EZH1: variants seen among roughly 807,000 people sequenced by gnomAD.
EZH1 encodes the protein enhancer of zeste 1 polycomb repressive complex 2 subunit.
In EZH1, 33 loss-of-function variants were observed where a neutral mutation model predicts 100.5. That is an observed-to-expected ratio of 0.33 (90% CI 0.25 to 0.44). The LOEUF is 0.44. Among genes scored for constraint, EZH1 ranks in the 20% least tolerant of loss-of-function variants. EZH1 has a pLI of 1.00. For synonymous variants in EZH1, 272 were observed against 313.8 expected, an observed-to-expected ratio of 0.87 and a Z score of 1.41; for missense variants, 475 against 928.4, an observed-to-expected ratio of 0.51 and a Z score of 6.35.
chr17:42,703,457 C>T (rs1465202428), intron 19 of EZH1: 5 of 395,310 alleles, frequency 1.3e-5, no homozygotes, highest in Non-Finnish European at 2.3e-5. Context: ...GGATTACAGG[C>T]GTAAGCCACC....
intron 1 of EZH1, among the ~76,000 whole-genome samples, chr17:42,742,222 A>C (rs2054189777): frequency 6.6e-6 from 1 of 150,512 alleles, no homozygotes; most frequent in Admixed American, 6.7e-5. Flanking sequence ...AGCTCACTGC[A>C]ACTTCCCACT....
chr17:42,715,052 A>G (rs1478672774), intron 10 of EZH1, among the ~76,000 whole-genome samples: 1 of 139,740 alleles, frequency 7.2e-6, no homozygotes, highest in Admixed American at 7.6e-5. Flanking sequence ...TATATTATAT[A>G]TGTATTTATA....
Position 42,728,969 on chromosome 17 carries a change from T to G in EZH1, c.-11-17A>C. 1.3e-6 allele frequency: 2 copies of G among 1,582,578 alleles called. No homozygotes were observed. Among genetic ancestry groups the G allele is most frequent in the Admixed American group, 1.9e-5 (1 of 53,792 alleles). On this transcript the variant is annotated splice_polypyrimidine_tract_variant and intron_variant, in intron 2 of 20. Coordinates refer to ENST00000428826, the MANE Select transcript of EZH1 (RefSeq NM_001991.5). ...TGCTGTAATCTAAGAGAGACAGAGATGAGAAATAGCATTTTATTGCCTGGA... is the reference window on the plus strand; with the variant it reads ...TGCTGTAATCTAAGAGAGACAGAGAGGAGAAATAGCATTTTATTGCCTGGA...
In EZH1 at chr17:42,727,543, T is replaced by C; in HGVS notation, c.246+92A>G. ...CTTGTGTGAGCCACCATACCTTGTC[T>C]TACTTATTCACTTTCTAAAAAGTCA... On this transcript the variant is annotated intron_variant, in intron 4 of 20. Coordinates refer to ENST00000428826, the MANE Select transcript of EZH1 (RefSeq NM_001991.5). The C allele has an allele frequency of 4.1e-6, 6 of 1,457,676 alleles. 1 individual carries two copies. The South Asian group carries it at 6.2e-5, about 15-fold the overall frequency. The allele number at this position is 1,457,676 out of a possible 1,614,324, so 90.3% of individuals were successfully genotyped here. A position where few individuals can be genotyped will look rare whatever the true frequency, so the allele number is the denominator to read the frequency against.
intron 16 of EZH1, 195 bp downstream of exon 16, chr17:42,705,812 C>T (rs910346200): frequency 7.4e-6 from 4 of 543,610 alleles, no homozygotes; most frequent in African/African-American, 5.8e-5. Flanking sequence ...GCCACCACAC[C>T]TGGCCAGGAA....
rs868857551 is a variant in EZH1 at position 42,718,705 on chromosome 17, C to T, written c.768-88G>A. The T allele has an allele frequency of 3.4e-5, 49 of 1,432,514 alleles. No homozygotes were observed. The highest frequency in any genetic ancestry group is 1.3e-4 in the African/African-American group (9 of 71,096). 88.7% of individuals were successfully genotyped at this position (1,432,514 alleles called of 1,614,324 possible). ...TTGGGTACTGACAGTAGCTCACCTA[C>T]GGTCTGCCAAGGGAGGATGGGTGTT... On this transcript the variant is annotated intron_variant, in intron 8 of 20. Transcript: ENST00000428826. This position sits in a 1 kb window ranked among gnomAD's most constrained non-coding sequence, Gnocchi z 4.2.
At chr17:42,708,119 C>T (rs772377342) in intron 14 of EZH1, 36 bp from the exon 15 acceptor site, 1 of 1,559,906 alleles carries the variant, frequency 6.4e-7, no homozygotes, top group Non-Finnish European at 8.7e-7. Context: ...CTGCTGTGAC[C>T]ATACTCTCCA....
intron 16 of EZH1, chr17:42,705,433 A>G (rs2053333159): frequency 3.0e-6 from 1 of 332,848 alleles, no homozygotes; most frequent in Non-Finnish European, 5.7e-6. Context: ...GTCTATAGGA[A>G]TTCACTGCAA....
At chr17:42,727,499 T>C in intron 4 of EZH1, 136 bp downstream of exon 4, 2 of 1,067,562 alleles carry the variant, frequency 1.9e-6, no homozygotes, top group Non-Finnish European at 2.6e-6. Context: ...CACCTCAGCC[T>C]CCCAAATAGC....
At chr17:42,703,531 T>C (rs1258865716) in intron 19 of EZH1, 2 of 561,956 alleles carry the variant, frequency 3.6e-6, no homozygotes, top group South Asian at 4.2e-5. Flanking sequence ...GGTTAAATCA[T>C]GTTTGTGGGA....
rs575787167 is a variant in EZH1, at chr17:42,742,143, T to C, written c.-103+2868A>G. On this transcript the variant is annotated intron_variant, in intron 1 of 20. Coordinates refer to ENST00000428826, the MANE Select transcript of EZH1 (RefSeq NM_001991.5). ...CTCCTTATTCCAGTGCTGTCTCTCTTTTTTTTTTTTTTCCCAAGACAGAGT... is the reference window on the plus strand; with the variant it reads ...CTCCTTATTCCAGTGCTGTCTCTCTCTTTTTTTTTTTTCCCAAGACAGAGT... Among the ~76,000 whole-genome samples, 385 of 147,118 alleles carry C rather than the reference T, an allele frequency of 2.6e-3. 1 individual carries two copies. Among genetic ancestry groups the C allele is most frequent in the Non-Finnish European group, 4.4e-3 (293 of 66,250 alleles).
intron 10 of EZH1, among the ~76,000 whole-genome samples, chr17:42,716,399 G>C (rs12943967): frequency 0.45 from 68,441 of 152,028 alleles, 15,921 homozygotes; most frequent in Non-Finnish European, 0.53. Flanking sequence ...CCAGGAAGAA[G>C]GTATCTTTCA....
chr17:42,739,950 A>AT (rs1288782917), intron 1 of EZH1, among the ~76,000 whole-genome samples: 4 of 151,388 alleles, frequency 2.6e-5, no homozygotes, highest in Non-Finnish European at 5.9e-5. Context: ...TGCCCAGCTA[A>AT]TTTTTTGTGT....
intron 10 of EZH1, among the ~76,000 whole-genome samples, chr17:42,715,173 T>C (rs1456853924): frequency 7.1e-6 from 1 of 141,362 alleles, no homozygotes; most frequent in Admixed American, 7.4e-5. Context: ...TGTATTTATA[T>C]ATAATATATA....
chr17:42,719,268 T>C, intron 7 of EZH1, 61 bp from the exon 8 acceptor site: 2 of 1,289,116 alleles, frequency 1.6e-6, no homozygotes, highest in Non-Finnish European at 2.2e-6. Context: ...AACAAATCTG[T>C]GTGATCTTTT....
chr17:42,719,685 C>T (rs570115691), intron 7 of EZH1, among the ~76,000 whole-genome samples: 6 of 152,144 alleles, frequency 3.9e-5, no homozygotes, highest in Admixed American at 2.6e-4. Context: ...TGCAGTGAGC[C>T]GAGATTGTGC....
chr17:42,730,485 TTC>T (rs2053918662), intron 2 of EZH1, among the ~76,000 whole-genome samples: 2 of 135,810 alleles, frequency 1.5e-5, no homozygotes, highest in African/African-American at 2.9e-5. Flanking sequence ...GAAGTATGTA[TTC>T]TTTTTTTTTT....
intron 3 of EZH1, among the ~76,000 whole-genome samples, chr17:42,728,324 G>T (rs2053865913): frequency 6.7e-6 from 1 of 149,702 alleles, no homozygotes; most frequent in South Asian, 2.1e-4. Flanking sequence ...AGGTAGGACA[G>T]GCTGGTCTCG....
intron 19 of EZH1, 128 bp downstream of exon 19, chr17:42,703,612 C>T (rs887797364): frequency 8.8e-6 from 6 of 678,066 alleles, no homozygotes; most frequent in African/African-American, 1.8e-5. Flanking sequence ...TAAAATGATA[C>T]CAGATATTAA....
Sources: allele counts gnomAD v4.1 joint callset (sites outside exome capture counted in the v4.1 genomes callset), GRCh38; gene constraint gnomAD v4.1.1; non-coding constraint Gnocchi (gnomAD v3.1); transcripts MANE v1.5; gene names NCBI Gene and HGNC (gene_info 2026-07-23, HGNC 2026-07-21).